The following CCDC171 variants were observed in gnomAD, a reference collection of about 807,000 sequenced individuals.
CCDC171 encodes the protein coiled-coil domain-containing protein 171.
Under a neutral mutation model 168.2 loss-of-function variants are expected in CCDC171, and 177 were observed. The ratio of observed to expected loss-of-function variants is 1.05; its 90% CI spans 0.93 to 1.19. The LOEUF is 1.19. Among genes scored for constraint, CCDC171 ranks in the 50% most tolerant of loss-of-function variants. The pLI is 0.00. For missense variants in CCDC171, 1,991 were observed against 1,539.0 expected (o/e 1.29, Z -4.91); for synonymous variants, 687 against 540.8 (o/e 1.27, Z -3.75).
intron 1 of CCDC171, among the ~76,000 whole-genome samples, chr9:16,055,883 T>A (rs1007186052): frequency 6.6e-6 from 1 of 152,228 alleles, no homozygotes; most frequent in Non-Finnish European, 1.5e-5. Flanking sequence ...AGCAAGCAAG[T>A]GCTATTAAAT....
intron 21 of CCDC171, among the ~76,000 whole-genome samples, chr9:15,837,536 A>G (rs1423702235): frequency 1.3e-5 from 2 of 152,168 alleles, no homozygotes; most frequent in Non-Finnish European, 2.9e-5. Context: ...TTTTTCAACT[A>G]TTACTGCCTG....
At chr9:15,761,985 AGT>A (rs2056470229) in intron 18 of CCDC171, among the ~76,000 whole-genome samples, 1 of 152,134 alleles carries the variant, frequency 6.6e-6, no homozygotes, top group African/African-American at 2.4e-5. Flanking sequence ...CATCCTTGAA[AGT>A]GTTCACAACT....
At chr9:16,065,428 C>T (rs2133091953), downstream of CCDC171, among the ~76,000 whole-genome samples, 1 of 152,274 alleles carries the variant, frequency 6.6e-6, no homozygotes, top group Non-Finnish European at 1.5e-5. Context: ...GAGCTCTCTT[C>T]CTGATGAGCT....
chr9:15,927,414 G>T (rs1172408655), intron 25 of CCDC171, among the ~76,000 whole-genome samples: 1 of 151,642 alleles, frequency 6.6e-6, no homozygotes, highest in Non-Finnish European at 1.5e-5. Context: ...CACAGCTATG[G>T]AGAAACATGA....
intron 21 of CCDC171, among the ~76,000 whole-genome samples, chr9:15,842,032 ACAGT>A (rs1171277339): frequency 4.0e-5 from 6 of 151,896 alleles, no homozygotes; most frequent in Non-Finnish European, 5.9e-5. Context: ...GTTTAAAGGA[ACAGT>A]CAGTCAGCAA....
intron 9 of CCDC171, among the ~76,000 whole-genome samples, chr9:15,666,718 G>A (rs1317913303): frequency 6.6e-6 from 1 of 152,078 alleles, no homozygotes; most frequent in Non-Finnish European, 1.5e-5. Context: ...CCAGCTACTC[G>A]AGAGGCTGAG....
intron 24 of CCDC171, among the ~76,000 whole-genome samples, chr9:15,907,807 T>C (rs1251548053): frequency 1.3e-5 from 2 of 151,134 alleles, no homozygotes; most frequent in Non-Finnish European, 3.0e-5. Flanking sequence ...CCAACAAATT[T>C]ATAAGAAAAA....
At chr9:15,631,515 T>C (rs969923665) in intron 7 of CCDC171, among the ~76,000 whole-genome samples, 16 of 152,184 alleles carry the variant, frequency 1.1e-4, no homozygotes, top group Non-Finnish European at 2.2e-4. Flanking sequence ...GGCTCTGAAA[T>C]TGTGGCAATA....
At chr9:15,569,734 GA>G (rs2040050776) in intron 2 of CCDC171, among the ~76,000 whole-genome samples, 1 of 151,432 alleles carries the variant, frequency 6.6e-6, no homozygotes, top group South Asian at 2.1e-4. Context: ...AGAATGGCGT[GA>G]ACCCGGGAGG....
chr9:15,701,545 A>G (rs577228006), intron 11 of CCDC171, among the ~76,000 whole-genome samples: 11 of 144,242 alleles, frequency 7.6e-5, no homozygotes, highest in Non-Finnish European at 1.2e-4. Flanking sequence ...ATGCCATGCT[A>G]TTTGATACCA....
At chr9:15,600,840 C>T (rs997348122) in intron 6 of CCDC171, among the ~76,000 whole-genome samples, 12 of 152,224 alleles carry the variant, frequency 7.9e-5, no homozygotes, top group African/African-American at 2.7e-4. Flanking sequence ...CAATGGCGGG[C>T]GTCCCTCCCC....
At chr9:16,027,719 A>T (rs1245733902) in intron 6 of CCDC171, among the ~76,000 whole-genome samples, 1 of 152,162 alleles carries the variant, frequency 6.6e-6, no homozygotes, top group Non-Finnish European at 1.5e-5. Context: ...TGAGTTTTTC[A>T]GTGGGTAATC....
intron 23 of CCDC171, among the ~76,000 whole-genome samples, chr9:15,851,876 T>C (rs1405615476): frequency 6.6e-6 from 1 of 151,926 alleles, no homozygotes; most frequent in Non-Finnish European, 1.5e-5. Context: ...CATAATTTAT[T>C]CAAGGGTCAT....
chr9:16,057,089 T>C (rs1481669093), intron 1 of CCDC171, among the ~76,000 whole-genome samples: 1 of 152,254 alleles, frequency 6.6e-6, no homozygotes, highest in African/African-American at 2.4e-5. Context: ...TATTAGGTGT[T>C]GTTCTGTAAC....
At chr9:15,773,453 A>G (rs1233765429) in intron 18 of CCDC171, among the ~76,000 whole-genome samples, 1 of 152,194 alleles carries the variant, frequency 6.6e-6, no homozygotes, top group Non-Finnish European at 1.5e-5. Context: ...TTAGCCCTAG[A>G]TGTACATTTT....
chr9:15,656,972 G>T (rs945899151), intron 7 of CCDC171, among the ~76,000 whole-genome samples, 155 bp from the exon 8 acceptor site: 3 of 151,668 alleles, frequency 2.0e-5, no homozygotes, highest in African/African-American at 7.3e-5. Flanking sequence ...CATTCTTCCT[G>T]AGCATGAATT....
intron 11 of CCDC171, among the ~76,000 whole-genome samples, chr9:15,713,438 A>G (rs1302720179): frequency 1.3e-5 from 2 of 152,296 alleles, no homozygotes; most frequent in Non-Finnish European, 2.9e-5. Context: ...CTACTTGCTC[A>G]TACAACTTAT....
chr9:15,908,231 G>T (rs201251162), intron 24 of CCDC171, among the ~76,000 whole-genome samples: 1 of 152,082 alleles, frequency 6.6e-6, no homozygotes, highest in African/African-American at 2.4e-5. Context: ...CACTATTCAC[G>T]ATAGCAAAGA....
intron 16 of CCDC171, among the ~76,000 whole-genome samples, chr9:15,738,190 G>A (rs1484671550): frequency 6.6e-6 from 1 of 152,150 alleles, no homozygotes; most frequent in Non-Finnish European, 1.5e-5. Context: ...ACTCCCTAGG[G>A]AAGTGTCTAA....
Sources: gnomAD v4.1 joint callset for allele counts (sites outside exome capture counted in the v4.1 genomes callset) on GRCh38, gnomAD v4.1.1 for gene constraint, MANE v1.5 for transcripts, NCBI Gene and HGNC (gene_info 2026-07-23, HGNC 2026-07-21) for gene names.